Variants in CACNA2D3 observed in about 807,000 individuals in gnomAD.
CACNA2D3 encodes the protein calcium voltage-gated channel auxiliary subunit alpha2delta 3, also known as voltage-dependent calcium channel subunit alpha-2/delta-3.
A neutral mutation model predicts 160.6 loss-of-function variants in CACNA2D3; 60 were observed. That is an observed-to-expected ratio of 0.37 (90% confidence interval 0.30 to 0.46). The LOEUF is 0.46. Ranked by LOEUF, CACNA2D3 falls within the 20% of genes least tolerant of loss-of-function variation. CACNA2D3 has a pLI of 1.00. For synonymous variants in CACNA2D3, 558 were observed against 492.9 expected, an observed-to-expected ratio of 1.13 and a Z score of -1.75; for missense variants, 1,205 against 1,365.0, an observed-to-expected ratio of 0.88 and a Z score of 1.85.
chr3:54,505,714 G>T (rs1701358582), intron 5 of CACNA2D3, among the ~76,000 whole-genome samples: 1 of 152,170 alleles, frequency 6.6e-6, no homozygotes, highest in African/African-American at 2.4e-5. Flanking sequence ...AAACAATTCA[G>T]AATGATCTTT....
intron 4 of CACNA2D3, among the ~76,000 whole-genome samples, chr3:54,432,049 G>T (rs920721934): frequency 6.6e-6 from 1 of 152,102 alleles, no homozygotes; most frequent in Non-Finnish European, 1.5e-5. Context: ...AAAACCATAA[G>T]GGTCTATCTG....
intron 33 of CACNA2D3, among the ~76,000 whole-genome samples, chr3:55,009,165 A>G (rs1490523354): frequency 6.6e-6 from 1 of 152,202 alleles, no homozygotes; most frequent in Non-Finnish European, 1.5e-5. Flanking sequence ...TCATCTAGGA[A>G]TCTTTGAGTC....
chr3:55,010,489 T>G (rs963866064), intron 34 of CACNA2D3, among the ~76,000 whole-genome samples: 1 of 152,196 alleles, frequency 6.6e-6, no homozygotes, highest in South Asian at 2.1e-4. Context: ...CCAAATCCAG[T>G]GATCCTTAAT....
intron 11 of CACNA2D3, among the ~76,000 whole-genome samples, chr3:54,717,961 G>C (rs937142067): frequency 1.2e-4 from 18 of 152,218 alleles, no homozygotes; most frequent in African/African-American, 4.1e-4. Context: ...CACTAATGTT[G>C]ATCAGTTTTC....
chr3:54,779,007 C>T (rs185974638), intron 13 of CACNA2D3, among the ~76,000 whole-genome samples: 48 of 152,274 alleles, frequency 3.2e-4, no homozygotes, highest in Non-Finnish European at 2.6e-4. Context: ...AAGATAATGG[C>T]ATTCTGACAT....
intron 5 of CACNA2D3, among the ~76,000 whole-genome samples, chr3:54,541,278 G>GAAAAAA (rs141900915): frequency 1.8e-4 from 15 of 81,722 alleles, no homozygotes; most frequent in African/African-American, 3.6e-4. Context: ...CTCCGTCTCA[G>GAAAAAA]AAAAAAAAAA....
chr3:54,296,280 G>A (rs1192795324), intron 2 of CACNA2D3, among the ~76,000 whole-genome samples: 1 of 152,196 alleles, frequency 6.6e-6, no homozygotes, highest in Non-Finnish European at 1.5e-5. Flanking sequence ...TCCAGAGGAT[G>A]TCTTTTGCTT....
At chr3:54,140,722 G>A (rs562767000) in intron 2 of CACNA2D3, among the ~76,000 whole-genome samples, 1 of 152,290 alleles carries the variant, frequency 6.6e-6, no homozygotes, top group African/African-American at 2.4e-5. Flanking sequence ...TGATGTCAGT[G>A]GTAATGCCTC....
intron 3 of CACNA2D3, among the ~76,000 whole-genome samples, chr3:54,379,994 A>G (rs1245786562): frequency 6.6e-6 from 1 of 152,234 alleles, no homozygotes; most frequent in Non-Finnish European, 1.5e-5. Context: ...GCAAAGATTA[A>G]TCTACACTGT....
At chr3:54,401,413 A>T (rs1305914359) in intron 4 of CACNA2D3, among the ~76,000 whole-genome samples, 1 of 152,216 alleles carries the variant, frequency 6.6e-6, no homozygotes, top group African/African-American at 2.4e-5. Flanking sequence ...GTCCCCAAAC[A>T]AGTTCAACCC....
intron 27 of CACNA2D3, among the ~76,000 whole-genome samples, chr3:54,945,998 C>A (rs1023109883): frequency 7.2e-5 from 11 of 152,208 alleles, no homozygotes; most frequent in African/African-American, 2.7e-4. Context: ...TCGCCTAGCT[C>A]TTTCCAAACA....
chr3:54,265,336 A>G (rs543305487), intron 2 of CACNA2D3, among the ~76,000 whole-genome samples: 31 of 152,178 alleles, frequency 2.0e-4, no homozygotes, highest in Non-Finnish European at 4.0e-4. Flanking sequence ...GGAGTTGAAC[A>G]ATGAGAACAC....
intron 17 of CACNA2D3, among the ~76,000 whole-genome samples, chr3:54,868,579 C>G (rs1177307089): frequency 6.6e-6 from 1 of 152,120 alleles, no homozygotes; most frequent in Non-Finnish European, 1.5e-5. Context: ...TCTGCTGATT[C>G]CACCTTTGCC....
At chr3:54,459,754 T>C (rs551474769) in intron 4 of CACNA2D3, among the ~76,000 whole-genome samples, 3,875 of 152,286 alleles carry the variant, frequency 0.025, 158 homozygotes, top group African/African-American at 0.087. Flanking sequence ...TTTCTTTTGC[T>C]GTGCAGAAGC....
intron 11 of CACNA2D3, among the ~76,000 whole-genome samples, chr3:54,725,032 G>A (rs1467496052): frequency 3.3e-5 from 5 of 151,848 alleles, no homozygotes; most frequent in Admixed American, 3.3e-4. Flanking sequence ...AGACTAATAA[G>A]AAAAGAGAGA....
At chr3:54,739,691 C>G (rs951330049) in intron 11 of CACNA2D3, among the ~76,000 whole-genome samples, 1 of 151,480 alleles carries the variant, frequency 6.6e-6, no homozygotes, top group Non-Finnish European at 1.5e-5. Context: ...AAACCAAGCT[C>G]TTTGTGGGGA....
At chr3:54,199,355 CT>C (rs1701135468) in intron 2 of CACNA2D3, among the ~76,000 whole-genome samples, 1 of 151,926 alleles carries the variant, frequency 6.6e-6, no homozygotes, top group African/African-American at 2.4e-5. Context: ...CTTGCTTTCT[CT>C]TTTTAAAAAT....
intron 11 of CACNA2D3, among the ~76,000 whole-genome samples, chr3:54,716,775 C>T (rs961630458): frequency 6.6e-6 from 1 of 152,106 alleles, no homozygotes; most frequent in South Asian, 2.1e-4. Context: ...AAACTTTTCC[C>T]TTTGGGCATA....
chr3:54,286,298 C>T (rs946359687), intron 2 of CACNA2D3, among the ~76,000 whole-genome samples: 29 of 152,184 alleles, frequency 1.9e-4, no homozygotes, highest in East Asian at 5.8e-4. Context: ...GCCTCAGGAG[C>T]GGATGCGATC....
Sources: allele counts gnomAD v4.1 joint callset (sites outside exome capture counted in the v4.1 genomes callset), GRCh38; gene constraint gnomAD v4.1.1; transcripts MANE v1.5; gene names NCBI Gene and HGNC (gene_info 2026-07-23, HGNC 2026-07-21).